CEP128: variants seen among roughly 807,000 people sequenced by gnomAD.
The protein encoded by CEP128 is centrosomal protein 128kDa.
In CEP128, 132 loss-of-function variants were observed where a neutral mutation model predicts 156.7. That is an observed-to-expected ratio of 0.84 (90% confidence interval 0.73 to 0.97). CEP128 has a LOEUF of 0.97. Ranked by LOEUF, CEP128 falls within the 50% of genes least tolerant of loss-of-function variation. The pLI is 0.00. For synonymous variants in CEP128, 469 were observed against 448.9 expected (o/e 1.04, Z -0.57); for missense variants, 1,252 against 1,281.9 (o/e 0.98, Z 0.36).
intron 16 of CEP128, among the ~76,000 whole-genome samples, chr14:80,774,248 A>T (rs1900666760): frequency 6.6e-6 from 1 of 152,228 alleles, no homozygotes; most frequent in African/African-American, 2.4e-5. Context: ...ATGACAAGAA[A>T]CACAATCTAA....
intron 6 of CEP128, among the ~76,000 whole-genome samples, chr14:80,902,650 T>C (rs1483384552): frequency 6.6e-6 from 1 of 152,126 alleles, no homozygotes; most frequent in Non-Finnish European, 1.5e-5. Context: ...AGAAAAAGAT[T>C]TCCACACAAC....
At chr14:80,835,716 C>A (rs187048337) in intron 12 of CEP128, among the ~76,000 whole-genome samples, 3 of 152,074 alleles carry the variant, frequency 2.0e-5, no homozygotes, top group African/African-American at 7.2e-5. Context: ...CATAAAAAGC[C>A]AGTGATACAG....
chr14:80,513,689 C>CAA (rs1277561774), intron 23 of CEP128, among the ~76,000 whole-genome samples: 20 of 152,282 alleles, frequency 1.3e-4, no homozygotes, highest in African/African-American at 4.8e-4. Flanking sequence ...TTGTGCCCTA[C>CAA]AAACTATACA....
rs548210656 is a variant in CEP128 at position 80,731,322 on chromosome 14, C to T, written c.2806+11753G>A. 7.9e-5 allele frequency among the ~76,000 whole-genome samples: 12 copies of T among 152,308 alleles called. 1 individual carries two copies. Among genetic ancestry groups the T allele is most frequent in the African/African-American group, 2.9e-4 (12 of 41,568 alleles). ...CAATCCTGGAGAAATAACCTGCCCC[C>T]ACTTCCCTCCCAGCCTAAGCTGCCT... On this transcript the variant is annotated intron_variant, in intron 19 of 24. Coordinates refer to ENST00000555265, the MANE Select transcript of CEP128 (RefSeq NM_152446.5).
chr14:80,748,747 C>T (rs1899234331), intron 18 of CEP128, among the ~76,000 whole-genome samples: 1 of 152,140 alleles, frequency 6.6e-6, no homozygotes, highest in South Asian at 2.1e-4. Context: ...GATACACCTT[C>T]TCCTTAACCA....
chr14:80,923,799 C>G (rs1022648967), intron 2 of CEP128, among the ~76,000 whole-genome samples: 1 of 152,164 alleles, frequency 6.6e-6, no homozygotes, highest in Non-Finnish European at 1.5e-5. Flanking sequence ...CCACACAAAT[C>G]TCATCTTAAA....
chr14:80,675,357 C>G (rs961389745), intron 19 of CEP128, among the ~76,000 whole-genome samples: 1 of 151,996 alleles, frequency 6.6e-6, no homozygotes, highest in Non-Finnish European at 1.5e-5. Context: ...TGTGAGTATT[C>G]AACTTTATAA....
chr14:80,890,012 C>T (rs902427743), intron 8 of CEP128, among the ~76,000 whole-genome samples: 2 of 152,054 alleles, frequency 1.3e-5, no homozygotes, highest in Admixed American at 1.3e-4. Flanking sequence ...ATGTGGTCAA[C>T]AATCATGTGA....
At chr14:80,647,106 TACACACACACACACACACATACACAC>T (rs1404570769) in intron 19 of CEP128, among the ~76,000 whole-genome samples, 11 of 74,436 alleles carry the variant, frequency 1.5e-4, no homozygotes, top group Non-Finnish European at 1.6e-4. Context: ...TAAATACACA[TACACACACACACACACACATACACAC>T]ACACACACAC....
chr14:80,829,279 T>C (rs55806640), intron 13 of CEP128, among the ~76,000 whole-genome samples: 9,894 of 152,282 alleles, frequency 0.065, 1,072 homozygotes, highest in African/African-American at 0.23. Context: ...AATGCTAATG[T>C]CTTACAGGGA....
chr14:80,815,589 T>C (rs1884804493), intron 13 of CEP128, among the ~76,000 whole-genome samples: 1 of 152,218 alleles, frequency 6.6e-6, no homozygotes, highest in Admixed American at 6.5e-5. Flanking sequence ...AGAAAAGAAA[T>C]GATTATATTA....
intron 19 of CEP128, among the ~76,000 whole-genome samples, chr14:80,605,157 T>C (rs111390365): frequency 6.6e-6 from 1 of 152,218 alleles, no homozygotes; most frequent in African/African-American, 2.4e-5. Context: ...GAGGTTCTAT[T>C]ATCTGCTAAA....
chr14:80,490,165 G>C (rs1024972916), downstream of CEP128, among the ~76,000 whole-genome samples: 1 of 151,978 alleles, frequency 6.6e-6, no homozygotes, highest in Non-Finnish European at 1.5e-5. Context: ...ATCATATGTG[G>C]CTATCAGTTA....
At chr14:80,584,665 C>T (rs1242594549) in intron 19 of CEP128, among the ~76,000 whole-genome samples, 1 of 152,152 alleles carries the variant, frequency 6.6e-6, no homozygotes, top group African/African-American at 2.4e-5. Flanking sequence ...AAGCACCACT[C>T]TATGCAAACA....
chr14:80,546,315 G>A (rs1395471108), intron 21 of CEP128, among the ~76,000 whole-genome samples: 2 of 152,316 alleles, frequency 1.3e-5, no homozygotes, highest in East Asian at 1.9e-4. Flanking sequence ...GCTTGGAGAG[G>A]TTAAGTGAGT....
At chr14:80,599,015 T>A (rs1035886771) in intron 19 of CEP128, among the ~76,000 whole-genome samples, 1 of 152,204 alleles carries the variant, frequency 6.6e-6, no homozygotes, top group African/African-American at 2.4e-5. Context: ...TTATAAGATA[T>A]TTCCACTGAA....
At chr14:80,537,483 T>C (rs531539851) in intron 21 of CEP128, among the ~76,000 whole-genome samples, 3 of 152,140 alleles carry the variant, frequency 2.0e-5, no homozygotes, top group Admixed American at 2.0e-4. Flanking sequence ...AAAGAAAAAA[T>C]AACACACAAA....
chr14:80,698,364 C>T (rs891341359), intron 19 of CEP128, among the ~76,000 whole-genome samples: 6 of 152,012 alleles, frequency 3.9e-5, no homozygotes, highest in African/African-American at 1.2e-4. Flanking sequence ...ATACATTGTA[C>T]GTTCCCAAAT....
At chr14:80,776,769 T>C (rs539680242) in intron 16 of CEP128, among the ~76,000 whole-genome samples, 1 of 152,168 alleles carries the variant, frequency 6.6e-6, no homozygotes, top group South Asian at 2.1e-4. Flanking sequence ...AACCATACTT[T>C]GATGGTCATT....
Sources: allele counts gnomAD v4.1 joint callset (sites outside exome capture counted in the v4.1 genomes callset), GRCh38; gene constraint gnomAD v4.1.1; transcripts MANE v1.5; gene names NCBI Gene and HGNC (gene_info 2026-07-23, HGNC 2026-07-21).